The following STIM2 variants were observed in gnomAD, a reference collection of about 807,000 sequenced individuals.
STIM2 encodes stromal interaction molecule 2.
A neutral mutation model predicts 85.8 loss-of-function variants in STIM2; 31 were observed. The ratio of observed to expected loss-of-function variants is 0.36; its 90% confidence interval spans 0.27 to 0.49. The LOEUF (loss-of-function observed/expected upper bound fraction) is 0.49. Ranked by LOEUF, STIM2 falls within the 20% of genes least tolerant of loss-of-function variation. The pLI is 0.98. For missense variants in STIM2, 841 were observed against 927.6 expected (o/e 0.91, Z 1.21); for synonymous variants, 356 against 331.1 (o/e 1.08, Z -0.82).
intron 3 of STIM2, among the ~76,000 whole-genome samples, chr4:26,979,031 G>A (rs1012998834): frequency 1.3e-5 from 2 of 152,186 alleles, no homozygotes; most frequent in African/African-American, 4.8e-5. Context: ...GTAATTGAGT[G>A]TATCACTTCC....
chr4:26,891,476 TTAAAA>T (rs1723475576), intron 1 of STIM2, among the ~76,000 whole-genome samples: 1 of 152,156 alleles, frequency 6.6e-6, no homozygotes, highest in Admixed American at 6.6e-5. Context: ...AACTAGTTCC[TTAAAA>T]TAAATCTCTA....
At chr4:26,861,516 G>T in intron 1 of STIM2, 147 bp downstream of exon 1, 2 of 1,181,642 alleles carry the variant, frequency 1.7e-6, no homozygotes, top group Non-Finnish European at 2.1e-6. Flanking sequence ...GCTTCGTCGC[G>T]GTCCCCTGCA....
chr4:26,880,958 A>G (rs998512210), intron 1 of STIM2, among the ~76,000 whole-genome samples: 2 of 152,076 alleles, frequency 1.3e-5, no homozygotes, highest in Non-Finnish European at 2.9e-5. Context: ...TTTACTCTTC[A>G]GAAAGAACCA....
intron 1 of STIM2, among the ~76,000 whole-genome samples, chr4:26,876,114 C>T (rs1722807851): frequency 6.6e-6 from 1 of 151,936 alleles, no homozygotes; most frequent in African/African-American, 2.4e-5. Context: ...CTTGGGGGTC[C>T]ACACAGTCTC....
At chr4:26,888,759 A>G (rs542033069) in intron 1 of STIM2, among the ~76,000 whole-genome samples, 2 of 152,326 alleles carry the variant, frequency 1.3e-5, no homozygotes, top group East Asian at 3.9e-4. Flanking sequence ...GCATGGCAGT[A>G]ATTACAAGAT....
chr4:26,978,366 A>G (rs1392163073), intron 3 of STIM2, among the ~76,000 whole-genome samples: 1 of 150,558 alleles, frequency 6.6e-6, no homozygotes, highest in Non-Finnish European at 1.5e-5. Flanking sequence ...TAATTGATAC[A>G]GGAGAAGATC....
intron 1 of STIM2, among the ~76,000 whole-genome samples, chr4:26,901,361 G>T (rs913369699): frequency 6.6e-6 from 1 of 151,912 alleles, no homozygotes; most frequent in Non-Finnish European, 1.5e-5. Flanking sequence ...ATTTCTATGA[G>T]GATTCAATAA....
chr4:27,001,348 A>G (rs1468240908), intron 5 of STIM2, among the ~76,000 whole-genome samples: 3 of 152,194 alleles, frequency 2.0e-5, no homozygotes, highest in African/African-American at 4.8e-5. Context: ...TGTGTTTTGT[A>G]TCACTGAAGG....
At position 26,884,173 on chromosome 4, in the gene STIM2, A is replaced by C. The variant is rs80055302; in HGVS notation, c.151+22804A>C. On this transcript the variant is annotated intron_variant, in intron 1 of 11. Transcript: ENST00000467087. Reference sequence around the variant, plus strand: ...TCTGTATAACGAACCAGTTCCTGCAAACAGTCCTGAGCCCCTTCGATGTGG... The same window carrying C: ...TCTGTATAACGAACCAGTTCCTGCACACAGTCCTGAGCCCCTTCGATGTGG... Among the ~76,000 whole-genome samples, 615 of 152,304 alleles carry C rather than the reference A, an allele frequency of 4.0e-3. 8 individuals carry two copies. Among genetic ancestry groups the C allele is most frequent in the African/African-American group, 0.014 (583 of 41,560 alleles).
At chr4:26,960,768 A>G (rs919680594) in intron 3 of STIM2, among the ~76,000 whole-genome samples, 1 of 152,198 alleles carries the variant, frequency 6.6e-6, no homozygotes, top group Non-Finnish European at 1.5e-5. Flanking sequence ...CAGTATTAAT[A>G]AAAATACTAG....
At chr4:26,979,033 A>G (rs1727292593) in intron 3 of STIM2, among the ~76,000 whole-genome samples, 1 of 152,204 alleles carries the variant, frequency 6.6e-6, no homozygotes, top group Admixed American at 6.5e-5. Flanking sequence ...AATTGAGTGT[A>G]TCACTTCCTA....
At chr4:26,997,259 AT>A (rs1727990876) in intron 4 of STIM2, among the ~76,000 whole-genome samples, 1 of 152,220 alleles carries the variant, frequency 6.6e-6, no homozygotes, top group Admixed American at 6.5e-5. Context: ...AATGTATTAC[AT>A]ATTCTATAGA....
chr4:26,897,408 G>C (rs916922944), intron 1 of STIM2, among the ~76,000 whole-genome samples: 3 of 152,096 alleles, frequency 2.0e-5, no homozygotes, highest in African/African-American at 7.2e-5. Context: ...TATTTTATCT[G>C]TCATCTCTGT....
chr4:26,944,460 G>T (rs1412025255), intron 2 of STIM2, among the ~76,000 whole-genome samples: 1 of 151,962 alleles, frequency 6.6e-6, no homozygotes, highest in Non-Finnish European at 1.5e-5. Flanking sequence ...TGTTTCTTTT[G>T]TCTTGCTCTA....
In STIM2 at chr4:26,909,231, A is replaced by G. The variant is rs532350457; in HGVS notation, c.152-10273A>G. Among the ~76,000 whole-genome samples the G allele has an allele frequency of 7.2e-5, 11 of 152,330 alleles. No homozygotes were observed. The East Asian group carries it at 2.1e-3, about 29-fold the overall frequency. On this transcript the variant is annotated intron_variant, in intron 1 of 11. Coordinates refer to ENST00000467087, the MANE Select transcript of STIM2 (RefSeq NM_020860.4). Reference sequence around the variant, plus strand: ...CACCTTACTCCTCTCTGTCCATGATAGTATTTAGTTATCTATTGAGTTACA... The same window carrying G: ...CACCTTACTCCTCTCTGTCCATGATGGTATTTAGTTATCTATTGAGTTACA...
chr4:26,866,252 A>T (rs1272743804), intron 1 of STIM2, among the ~76,000 whole-genome samples: 1 of 152,164 alleles, frequency 6.6e-6, no homozygotes, highest in African/African-American at 2.4e-5. Flanking sequence ...ATTAGGAAAC[A>T]TGCTGGATGA....
At chr4:26,897,414 T>A (rs1723748010) in intron 1 of STIM2, among the ~76,000 whole-genome samples, 1 of 152,234 alleles carries the variant, frequency 6.6e-6, no homozygotes, top group South Asian at 2.1e-4. Context: ...ATCTGTCATC[T>A]CTGTATCCTC....
intron 1 of STIM2, among the ~76,000 whole-genome samples, chr4:26,886,018 C>T (rs567981531): frequency 3.3e-5 from 5 of 151,578 alleles, no homozygotes; most frequent in South Asian, 2.1e-4. Context: ...GATCACCATG[C>T]GCCAGTTCCT....
At position 26,919,620 on chromosome 4, in the gene STIM2, G is replaced by A; in HGVS notation, c.268G>A (p.Glu90Lys). ...TGACAAAGATGGTGGAATTGAAGTA[G>A]AGGAAAGTGATGAAGTAGGTGGAAA... Residue 90 changes from glutamate (E) to lysine (K), a missense_variant, in exon 2 of 12, where the codon GAG (glutamate) becomes AAG (lysine). This residue lies in a region of STIM2 where 408 missense variants were observed against 525.4 expected (regional missense o/e 0.78). Coordinates refer to ENST00000467087, the MANE Select transcript of STIM2 (RefSeq NM_020860.4). 6.2e-7 allele frequency: 1 copy of A among 1,613,596 alleles called. No homozygotes were observed.
Sources: gnomAD v4.1 joint callset for allele counts (sites outside exome capture counted in the v4.1 genomes callset) on GRCh38, gnomAD v4.1.1 for gene constraint, gnomAD v4.1.1 regional missense constraint, MANE v1.5 for transcripts, NCBI Gene and HGNC (gene_info 2026-07-23, HGNC 2026-07-21) for gene names.